BDH1: variants seen among roughly 807,000 people sequenced by gnomAD.
BDH1 encodes the protein D-beta-hydroxybutyrate dehydrogenase, mitochondrial.
A neutral mutation model predicts 33.1 loss-of-function variants in BDH1; 30 were observed. The ratio of observed to expected loss-of-function variants is 0.91; its 90% CI spans 0.68 to 1.23. BDH1 has a LOEUF of 1.23. BDH1 is among the 50% of genes most tolerant of loss of function. The pLI, the probability that BDH1 is intolerant of heterozygous loss-of-function variation, is 0.00. For missense variants in BDH1, 443 were observed against 464.4 expected (o/e 0.95, Z 0.42); for synonymous variants, 190 against 183.6 (o/e 1.03, Z -0.28).
intron 1 of BDH1, among the ~76,000 whole-genome samples, chr3:197,555,073 C>T (rs952298690): frequency 2.0e-5 from 3 of 152,258 alleles, no homozygotes; most frequent in African/African-American, 7.2e-5. Context: ...CGCCTGGACT[C>T]CCACCCTGGC....
chr3:197,519,671 T>C (rs1411545597), intron 6 of BDH1, among the ~76,000 whole-genome samples: 2 of 151,652 alleles, frequency 1.3e-5, no homozygotes, highest in African/African-American at 2.4e-5. Flanking sequence ...CTCAAAAAAA[T>C]TAATTAATTA....
upstream of BDH1, among the ~76,000 whole-genome samples, chr3:197,557,582 T>C (rs989627590): frequency 2.0e-5 from 3 of 152,170 alleles, no homozygotes; most frequent in East Asian, 5.8e-4. This position sits in a 1 kb window ranked among gnomAD's most constrained non-coding sequence, Gnocchi z 4.6. Flanking sequence ...CTGCCCTTCG[T>C]AGTGGATGCT....
chr3:197,570,109 A>T (rs1717560400), intron 1 of BDH1, among the ~76,000 whole-genome samples: 1 of 152,226 alleles, frequency 6.6e-6, no homozygotes, highest in Non-Finnish European at 1.5e-5. Flanking sequence ...GACTCTTGTT[A>T]TGTTTTAGCA....
At position 197,514,198 on chromosome 3, in the gene BDH1, A is replaced by G. The variant is rs1476526755; in HGVS notation, c.562+66T>C. On this transcript the variant is annotated intron_variant, in intron 7 of 7. Coordinates refer to ENST00000392379, the MANE Select transcript of BDH1 (RefSeq NM_203314.3). This position sits in a 1 kb window ranked among gnomAD's most constrained non-coding sequence, Gnocchi z 4.2. ...TGGAGCTGCTGGGACAGGTATTTCCATTCTGAGCAAAGATGAACACGTGGG... is the reference window on the plus strand; with the variant it reads ...TGGAGCTGCTGGGACAGGTATTTCCGTTCTGAGCAAAGATGAACACGTGGG... 1 of 1,544,616 alleles carries G rather than the reference A, an allele frequency of 6.5e-7. No individual in the cohort carries two copies. The highest frequency in any genetic ancestry group is 1.4e-5 in the African/African-American group (1 of 73,004).
At chr3:197,544,583 C>A (rs946663869) in intron 3 of BDH1, among the ~76,000 whole-genome samples, 1 of 152,196 alleles carries the variant, frequency 6.6e-6, no homozygotes, top group Non-Finnish European at 1.5e-5. Flanking sequence ...TTCAACAAAG[C>A]CGAGCTCCGT....
chr3:197,572,368 A>G (rs1430680634), intron 1 of BDH1, among the ~76,000 whole-genome samples: 1 of 152,210 alleles, frequency 6.6e-6, no homozygotes, highest in Non-Finnish European at 1.5e-5. Context: ...AGAAGAAGTT[A>G]ATCACTTACT....
chr3:197,567,941 G>A (rs1717487416), intron 1 of BDH1, among the ~76,000 whole-genome samples: 1 of 152,138 alleles, frequency 6.6e-6, no homozygotes, highest in African/African-American at 2.4e-5. Flanking sequence ...CCCCTGACCT[G>A]AGAGATCATG....
At chr3:197,548,869 AAAAAACAAAAAAAACAC>A (rs1716318446) in intron 2 of BDH1, among the ~76,000 whole-genome samples, 1 of 134,432 alleles carries the variant, frequency 7.4e-6, no homozygotes. Flanking sequence ...AAATAACAAA[AAAAAACAAAAAAAACAC>A]AAAAAACTCA....
rs1056979172 is a variant in BDH1 at position 197,522,879 on chromosome 3, G to A, written c.268-98C>T. 74 of 1,474,144 alleles carry A rather than the reference G, an allele frequency of 5.0e-5. No individual in the cohort carries two copies. Among genetic ancestry groups the A allele is most frequent in the Non-Finnish European group, 3.7e-5 (40 of 1,090,644 alleles). The allele number at this position is 1,474,144 out of a possible 1,614,324, so 91.3% of individuals were successfully genotyped here. On this transcript the variant is annotated intron_variant, in intron 5 of 7. Transcript: ENST00000392379. The surrounding 1 kb of genome is among the most constrained non-coding windows in gnomAD (Gnocchi z 4.8). ...AGGCAGGAGCTGGCCTCAAGTCCCA[G>A]CCAAAGCCTCAGGCATACTGGCAAC...
chr3:197,510,232 C>T lies in BDH1; in HGVS notation c.*1663G>A, dbSNP rs914310286. ...GTTCCCGGTTTCCGAAGCGCGAATC[C>T]CGAACGCCGTGAGAAACCTCAGGCT... On this transcript the variant is annotated 3_prime_UTR_variant, in exon 8 of 8. Coordinates refer to ENST00000392379, the MANE Select transcript of BDH1 (RefSeq NM_203314.3). The T allele has an allele frequency of 6.6e-6, 1 of 152,300 alleles. No individual in the cohort carries two copies. Among genetic ancestry groups the T allele is most frequent in the Non-Finnish European group, 1.5e-5 (1 of 68,078 alleles). The allele number at this position is 152,300 out of a possible 1,614,324, so 9.4% of individuals were successfully genotyped here.
intron 2 of BDH1, among the ~76,000 whole-genome samples, chr3:197,551,825 G>A (rs979166031): frequency 4.6e-5 from 7 of 152,084 alleles, no homozygotes; most frequent in African/African-American, 1.7e-4. Context: ...AAGACAAAGT[G>A]TTACCCGAGC....
intron 3 of BDH1, among the ~76,000 whole-genome samples, chr3:197,536,747 G>A (rs966480951): frequency 6.6e-6 from 1 of 152,144 alleles, no homozygotes; most frequent in Non-Finnish European, 1.5e-5. Flanking sequence ...GGAGGCTGAG[G>A]CAGAAGAATC....
chr3:197,533,868 C>T (rs1406381778), intron 3 of BDH1: 2 of 377,938 alleles, frequency 5.3e-6, no homozygotes, highest in Non-Finnish European at 9.5e-6. Flanking sequence ...CAATAAAGTT[C>T]CATTTTCTGC....
chr3:197,538,631 C>G (rs999382341), intron 3 of BDH1: 1 of 247,724 alleles, frequency 4.0e-6, no homozygotes, highest in South Asian at 4.6e-5. Flanking sequence ...GGATCACAGG[C>G]ATGAGCCACG....
chr3:197,513,282 T>C (rs1046358758), intron 7 of BDH1, among the ~76,000 whole-genome samples: 1 of 152,022 alleles, frequency 6.6e-6, no homozygotes, highest in South Asian at 2.1e-4. Context: ...TGGGACCAGT[T>C]TTCCTGGGAG....
chr3:197,542,822 C>T (rs952606324), intron 3 of BDH1, among the ~76,000 whole-genome samples: 2 of 151,488 alleles, frequency 1.3e-5, no homozygotes, highest in Admixed American at 6.6e-5. Context: ...GCGCCCCCAC[C>T]GGTCAACACA....
intron 5 of BDH1, among the ~76,000 whole-genome samples, chr3:197,524,056 G>A (rs1560313714): frequency 6.6e-6 from 1 of 152,202 alleles, no homozygotes; most frequent in Non-Finnish European, 1.5e-5. Context: ...GTGCACCCTC[G>A]TGTCACCAGG....
rs984849353 is a variant in BDH1 at position 197,514,641 on chromosome 3, G to A, written c.410-225C>T. Among the ~76,000 whole-genome samples the A allele has an allele frequency of 1.1e-4, 16 of 152,086 alleles. No individual in the cohort carries two copies. In the East Asian group the frequency reaches 1.7e-3, roughly 17 times the overall value. ...TGCGTCTAGAATGTCCAGTCCTCAC[G>A]TCACATCTGCCTGGCTCGAGTCTCT... On this transcript the variant is annotated intron_variant, in intron 6 of 7. Transcript: ENST00000392379. The surrounding 1 kb of genome is among the most constrained non-coding windows in gnomAD (Gnocchi z 4.2).
Position 197,533,477 on chromosome 3 carries a change from G to A in BDH1, c.156+12C>T. ...ATCCAACTGGCTCCCGGGTAGCTGG[G>A]CTTCCACTCACCGGCTCCGCCGCAC... On this transcript the variant is annotated intron_variant, in intron 4 of 7. Transcript: ENST00000392379. 1 of 1,614,032 alleles carries A rather than the reference G, an allele frequency of 6.2e-7. No homozygotes were observed. The highest frequency in any genetic ancestry group is 8.5e-7 in the Non-Finnish European group (1 of 1,179,838).
Sources: allele counts gnomAD v4.1 joint callset (sites outside exome capture counted in the v4.1 genomes callset), GRCh38; gene constraint gnomAD v4.1.1; non-coding constraint Gnocchi (gnomAD v3.1); transcripts MANE v1.5; gene names NCBI Gene and HGNC (gene_info 2026-07-23, HGNC 2026-07-21).